Variants in SCLT1 observed in about 807,000 individuals in gnomAD.
SCLT1 encodes sodium channel and clathrin linker 1.
A neutral mutation model predicts 112.8 loss-of-function variants in SCLT1; 78 were observed. That is an observed-to-expected ratio of 0.69 (90% CI 0.58 to 0.83). The LOEUF is 0.83. Ranked by LOEUF, SCLT1 falls within the 40% of genes least tolerant of loss-of-function variation. SCLT1 has a pLI of 0.00. For missense variants in SCLT1, 747 were observed against 770.4 expected (o/e 0.97, Z 0.36); for synonymous variants, 257 against 254.7 (o/e 1.01, Z -0.09).
chr4:128,970,813 A>C (rs1406610858), intron 9 of SCLT1: 1 of 180,424 alleles, frequency 5.5e-6, no homozygotes, highest in Non-Finnish European at 1.2e-5. Context: ...TAAGAAGAAT[A>C]TACTTATGTC....
At chr4:128,978,641 G>A (rs1187469968) in intron 9 of SCLT1, among the ~76,000 whole-genome samples, 1 of 151,928 alleles carries the variant, frequency 6.6e-6, no homozygotes, top group Non-Finnish European at 1.5e-5. Context: ...GATGGAGGGG[G>A]GCTGAATCCA....
intron 2 of SCLT1, among the ~76,000 whole-genome samples, chr4:129,072,368 G>A (rs1026084043): frequency 7.9e-5 from 12 of 152,146 alleles, no homozygotes; most frequent in African/African-American, 2.9e-4. Context: ...CAAGGCCAAG[G>A]AAGTTTTCCT....
chr4:129,046,177 CT>C (rs1472704827), intron 2 of SCLT1, among the ~76,000 whole-genome samples: 1 of 152,118 alleles, frequency 6.6e-6, no homozygotes, highest in African/African-American at 2.4e-5. Context: ...GTACTCTTCA[CT>C]TTGCATATTG....
At chr4:128,939,138 C>A (rs1402356861) in intron 17 of SCLT1, among the ~76,000 whole-genome samples, 1 of 152,164 alleles carries the variant, frequency 6.6e-6, no homozygotes, top group Admixed American at 6.5e-5. Context: ...TTTATGATAA[C>A]CTGGTCCCTG....
chr4:128,895,648 G>C (rs1018715453), intron 18 of SCLT1, among the ~76,000 whole-genome samples: 3 of 152,186 alleles, frequency 2.0e-5, no homozygotes, highest in Non-Finnish European at 4.4e-5. Context: ...TTCCAACTGA[G>C]GTACCGGGTT....
chr4:128,966,553 TAAGAG>T (rs879375972), intron 10 of SCLT1, among the ~76,000 whole-genome samples: 6 of 152,180 alleles, frequency 3.9e-5, no homozygotes, highest in East Asian at 3.9e-4. Flanking sequence ...TTAAAGATAT[TAAGAG>T]AAAAGTATGT....
chr4:129,057,446 A>G (rs1177854145), intron 2 of SCLT1, among the ~76,000 whole-genome samples: 2 of 147,490 alleles, frequency 1.4e-5, no homozygotes, highest in Admixed American at 6.8e-5. Flanking sequence ...TCAGCCTCCC[A>G]AGTAGCTAGG....
chr4:128,990,554 A>G (rs1742471510), intron 9 of SCLT1, among the ~76,000 whole-genome samples: 1 of 152,002 alleles, frequency 6.6e-6, no homozygotes, highest in African/African-American at 2.4e-5. Flanking sequence ...ACCTACTTTC[A>G]CCACTGTTAT....
At chr4:129,089,885 G>T (rs562888700) in intron 1 of SCLT1, among the ~76,000 whole-genome samples, 21 of 152,176 alleles carry the variant, frequency 1.4e-4, no homozygotes, top group African/African-American at 5.1e-4. Flanking sequence ...CTAAGGGAGG[G>T]ATAGCATTAG....
rs772135801 is a variant in SCLT1 at position 128,942,970 on chromosome 4, A to G, written c.1632+26T>C. 42 of 1,519,494 alleles carry G rather than the reference A, an allele frequency of 2.8e-5. 1 individual carries two copies. Among genetic ancestry groups the G allele is most frequent in the South Asian group, 2.0e-4 (17 of 83,782 alleles). The allele number at this position is 1,519,494 out of a possible 1,614,324, so 94.1% of individuals were successfully genotyped here. ...TCTATACTTTGATTTTCATAAGTAC[A>G]CATTTAACTCTAGTCTTGAAAATAC... is the stretch of plus-strand genomic sequence containing the variant. On this transcript the variant is annotated intron_variant, in intron 17 of 20. Coordinates refer to ENST00000281142, the MANE Select transcript of SCLT1 (RefSeq NM_144643.4).
rs570527836 is a variant in SCLT1 at position 128,893,591 on chromosome 4, G to A, written c.1830-2454C>T. On this transcript the variant is annotated intron_variant, in intron 18 of 20. Coordinates refer to ENST00000281142, the MANE Select transcript of SCLT1 (RefSeq NM_144643.4). ...GGAGTCTTGCTCTGTCCCCCAGGCT[G>A]GAGTGCAGTGGTGCCATCTCGGCTC... is the stretch of plus-strand genomic sequence containing the variant. Among the ~76,000 whole-genome samples the A allele has an allele frequency of 5.3e-5, 8 of 152,136 alleles. No homozygotes were observed. The East Asian group carries it at 1.4e-3, about 26-fold the overall frequency.
chr4:129,001,935 T>C (rs1324052706), intron 6 of SCLT1, among the ~76,000 whole-genome samples: 3 of 152,028 alleles, frequency 2.0e-5, no homozygotes, highest in Non-Finnish European at 1.5e-5. Context: ...TTTCCTAGTC[T>C]AGAACAAACA....
chr4:128,874,919 A>G (rs1732461493), intron 4 of SCLT1: 1 of 152,572 alleles, frequency 6.6e-6, no homozygotes, highest in African/African-American at 2.4e-5. Context: ...TTATTTTGAA[A>G]TGGACAAACT....
chr4:129,044,029 C>A lies in SCLT1; in HGVS notation c.125G>T (p.Gly42Val), dbSNP rs1300140514. 6.4e-7 allele frequency: 1 copy of A among 1,570,774 alleles called. No individual in the cohort carries two copies. Among genetic ancestry groups the A allele is most frequent in the Non-Finnish European group, 8.7e-7 (1 of 1,145,872 alleles). The change falls in exon 3 of 21, where the codon GGA (glycine) becomes GTA (valine). Residue 42 changes from glycine (G) to valine (V), a missense_variant. Coordinates refer to ENST00000281142, the MANE Select transcript of SCLT1 (RefSeq NM_144643.4). ...TACTAGGTTTTCAAATGTGTCGTCTCCTTCTCCTTGGCAGACAGCTTTCTA... is the reference window on the plus strand; with the variant it reads ...TACTAGGTTTTCAAATGTGTCGTCTACTTCTCCTTGGCAGACAGCTTTCTA... ...SVQKAVCQGE[G>V]DDTFENLVFD...
chr4:129,060,680 A>G (rs1420821850), intron 2 of SCLT1, among the ~76,000 whole-genome samples: 2 of 152,082 alleles, frequency 1.3e-5, no homozygotes, highest in Non-Finnish European at 2.9e-5. Context: ...AATTTTCTTA[A>G]TGTCAAGTAT....
At chr4:128,984,037 A>T (rs1741890986) in intron 9 of SCLT1, among the ~76,000 whole-genome samples, 1 of 152,212 alleles carries the variant, frequency 6.6e-6, no homozygotes, top group African/African-American at 2.4e-5. Context: ...AGTTTTATGT[A>T]TACAACTCTG....
At chr4:128,886,589 A>G (rs1732911885) in intron 20 of SCLT1, among the ~76,000 whole-genome samples, 2 of 152,324 alleles carry the variant, frequency 1.3e-5, no homozygotes, top group Admixed American at 1.3e-4. Context: ...TGGGTAAGGG[A>G]AAAGTGCTGA....
At chr4:129,069,274 T>C (rs1034149153) in intron 2 of SCLT1, among the ~76,000 whole-genome samples, 8 of 152,188 alleles carry the variant, frequency 5.3e-5, no homozygotes, top group African/African-American at 1.9e-4. Flanking sequence ...TTTAGTTCCA[T>C]ATGAATTTTA....
intron 2 of SCLT1, among the ~76,000 whole-genome samples, chr4:129,064,903 T>G (rs1214412510): frequency 6.6e-6 from 1 of 152,152 alleles, no homozygotes; most frequent in African/African-American, 2.4e-5. Flanking sequence ...CAGCATATGG[T>G]CAATTTTGGC....
Sources: allele counts gnomAD v4.1 joint callset (sites outside exome capture counted in the v4.1 genomes callset), GRCh38; gene constraint gnomAD v4.1.1; transcripts MANE v1.5; gene names NCBI Gene and HGNC (gene_info 2026-07-23, HGNC 2026-07-21).